Variants in THRB observed in about 807,000 individuals in gnomAD.
THRB encodes the protein thyroid hormone receptor beta.
Under a neutral mutation model 47.8 loss-of-function variants are expected in THRB, and 12 were observed. The ratio of observed to expected loss-of-function variants is 0.25; its 90% CI spans 0.16 to 0.41. THRB has a LOEUF of 0.41. Ranked by LOEUF, THRB falls within the 10% of genes least tolerant of loss-of-function variation. THRB has a pLI of 1.00. For synonymous variants in THRB, 218 were observed against 212.2 expected (o/e 1.03, Z -0.24); for missense variants, 348 against 589.2 (o/e 0.59, Z 4.24).
At chr3:24,243,573 C>A (rs2049803241) in intron 3 of THRB, among the ~76,000 whole-genome samples, 1 of 152,086 alleles carries the variant, frequency 6.6e-6, no homozygotes. Flanking sequence ...CTCGGGATGC[C>A]TATTTGAACA....
Position 24,346,611 on chromosome 3 carries a change from T to C in THRB, c.-260-9240A>G, listed in dbSNP as rs551882196. ...CACACAATTTCAAAGAAAAAAAGGA[T>C]TGAAAAAATTACATGTAAATTATGT... On this transcript the variant is annotated intron_variant, in intron 1 of 10. Coordinates refer to ENST00000646209, the MANE Select transcript of THRB (RefSeq NM_001354712.2). Among the ~76,000 whole-genome samples, 136 of 152,014 alleles carry C rather than the reference T, an allele frequency of 8.9e-4. 1 individual carries two copies. The highest frequency in any genetic ancestry group is 1.0e-3 in the Non-Finnish European group (68 of 67,870).
At chr3:24,193,093 G>C (rs2043545576) in intron 4 of THRB, among the ~76,000 whole-genome samples, 1 of 152,134 alleles carries the variant, frequency 6.6e-6, no homozygotes, top group Non-Finnish European at 1.5e-5. Context: ...CTACCTACTG[G>C]ATATACTGTT....
intron 1 of THRB, among the ~76,000 whole-genome samples, chr3:24,485,131 T>C (rs113399545): frequency 2.3e-4 from 35 of 152,310 alleles, no homozygotes; most frequent in African/African-American, 7.5e-4. Flanking sequence ...TGTAATCATA[T>C]AGAAACACGT....
intron 2 of THRB, among the ~76,000 whole-genome samples, chr3:24,329,113 A>AT (rs1184235613): frequency 6.6e-6 from 1 of 151,502 alleles, no homozygotes; most frequent in Non-Finnish European, 1.5e-5. Flanking sequence ...TGCCCCTCTA[A>AT]TTTTTTGATT....
intron 4 of THRB, among the ~76,000 whole-genome samples, chr3:24,212,492 C>T (rs1302476513): frequency 6.9e-6 from 1 of 145,936 alleles, no homozygotes; most frequent in African/African-American, 2.5e-5. Flanking sequence ...TGAGGAAAAT[C>T]ACTTGAACTT....
At chr3:24,128,001 A>G (rs2033183907) in intron 9 of THRB, among the ~76,000 whole-genome samples, 1 of 152,180 alleles carries the variant, frequency 6.6e-6, no homozygotes, top group South Asian at 2.1e-4. Context: ...TTTATGACAG[A>G]CACAGTTCTC....
chr3:24,175,134 T>C (rs770874482), intron 5 of THRB, among the ~76,000 whole-genome samples: 1 of 152,230 alleles, frequency 6.6e-6, no homozygotes, highest in Non-Finnish European at 1.5e-5. Context: ...GCTGGATGTT[T>C]AGTCCATGAA....
At chr3:24,355,359 T>A (rs2063609116) in intron 1 of THRB, among the ~76,000 whole-genome samples, 1 of 152,150 alleles carries the variant, frequency 6.6e-6, no homozygotes, top group East Asian at 1.9e-4. Flanking sequence ...AGGAGCCTAA[T>A]GAGACATGAC....
At chr3:24,328,957 T>C (rs1576881428) in intron 2 of THRB, among the ~76,000 whole-genome samples, 1 of 152,182 alleles carries the variant, frequency 6.6e-6, no homozygotes, top group East Asian at 1.9e-4. Flanking sequence ...TCTTTTTTTT[T>C]TCTTTTTGAG....
At chr3:24,316,241 C>T (rs1184603015) in intron 2 of THRB, among the ~76,000 whole-genome samples, 1 of 152,078 alleles carries the variant, frequency 6.6e-6, no homozygotes, top group East Asian at 1.9e-4. Flanking sequence ...GGTCAACCAC[C>T]AAAACAAAAT....
intron 6 of THRB, among the ~76,000 whole-genome samples, chr3:24,149,911 A>G (rs573931529): frequency 1.3e-5 from 2 of 152,366 alleles, no homozygotes; most frequent in East Asian, 3.9e-4. Context: ...ATTTGTTGGT[A>G]AGAAGAGGTC....
chr3:24,366,510 G>A (rs536079096), intron 1 of THRB, among the ~76,000 whole-genome samples: 1 of 152,098 alleles, frequency 6.6e-6, no homozygotes, highest in African/African-American at 2.4e-5. Flanking sequence ...CTGGAAGCAC[G>A]TGTACTCTGA....
chr3:24,482,699 C>T (rs1696666395), intron 1 of THRB, among the ~76,000 whole-genome samples: 1 of 152,104 alleles, frequency 6.6e-6, no homozygotes, highest in African/African-American at 2.4e-5. Context: ...TAAAATAGGA[C>T]ATAATTGGAG....
intron 5 of THRB, among the ~76,000 whole-genome samples, chr3:24,154,770 G>T (rs1479528159): frequency 6.6e-6 from 1 of 152,140 alleles, no homozygotes; most frequent in Non-Finnish European, 1.5e-5. Context: ...TGTCAAAAAA[G>T]CTACATCTGA....
intron 1 of THRB, chr3:24,494,447 G>A (rs899963839): frequency 4.0e-5 from 6 of 150,702 alleles, no homozygotes; most frequent in Non-Finnish European, 7.4e-5. Flanking sequence ...AACACGAGAG[G>A]GCACCTCCTC....
In THRB at chr3:24,446,703, AC is replaced by A. The variant is rs575582087; in HGVS notation, c.-261+47948del. Among the ~76,000 whole-genome samples the A allele has an allele frequency of 6.6e-5, 10 of 152,348 alleles. No individual in the cohort carries two copies. In the South Asian group the frequency reaches 1.7e-3, roughly 25 times the overall value. The stretch of plus-strand genomic sequence containing the variant: ...TGAAACCATATCATTTGATCACTCA[AC>A]AATATTCAGCAAATCTTTGTGGGGT... On this transcript the variant is annotated intron_variant, in intron 1 of 10. Coordinates refer to ENST00000646209, the MANE Select transcript of THRB (RefSeq NM_001354712.2).
intron 2 of THRB, among the ~76,000 whole-genome samples, chr3:24,331,284 G>A (rs1260698817): frequency 1.3e-5 from 2 of 151,724 alleles, no homozygotes; most frequent in African/African-American, 4.8e-5. Context: ...CAAAAAGAAA[G>A]AAAAAAAGAA....
chr3:24,266,075 C>A (rs2052617417), intron 3 of THRB, among the ~76,000 whole-genome samples: 1 of 152,134 alleles, frequency 6.6e-6, no homozygotes, highest in Non-Finnish European at 1.5e-5. Flanking sequence ...CCTAAACTTT[C>A]AAAATCTGTT....
At chr3:24,161,617 A>AACACACACACACACACACACACAC (rs58600238) in intron 5 of THRB, among the ~76,000 whole-genome samples, 7 of 141,100 alleles carry the variant, frequency 5.0e-5, no homozygotes, top group Non-Finnish European at 7.7e-5. Context: ...AGAGCTACAG[A>AACACACACACACACACACACACAC]ACACACACAC....
Sources: allele counts gnomAD v4.1 joint callset (sites outside exome capture counted in the v4.1 genomes callset), GRCh38; gene constraint gnomAD v4.1.1; transcripts MANE v1.5; gene names NCBI Gene and HGNC (gene_info 2026-07-23, HGNC 2026-07-21).